The following GLRA2 variants were observed in gnomAD, a reference collection of about 807,000 sequenced individuals.
GLRA2 encodes glycine receptor subunit alpha-2.
A neutral mutation model predicts 31.6 loss-of-function variants in GLRA2; 11 were observed. That is an observed-to-expected ratio of 0.35 (90% CI 0.22 to 0.58). The LOEUF is 0.58. GLRA2 is among the 20% of genes least tolerant of loss of function. The probability of loss-of-function intolerance (pLI) is 0.84; values close to 1 mark genes in which losing one functional copy is unlikely to be tolerated. For synonymous variants in GLRA2, 132 were observed against 134.0 expected (o/e 0.99, Z 0.10); for missense variants, 212 against 351.8 (o/e 0.60, Z 3.18).
intron 4 of GLRA2, among the ~76,000 whole-genome samples, chrX:14,595,741 A>C (rs1014268046): frequency 1.8e-5 from 2 of 111,622 alleles, no homozygotes; most frequent in African/African-American, 6.5e-5. Context: ...CTGGGCCCCA[A>C]GGGAGTAATT....
intron 7 of GLRA2, among the ~76,000 whole-genome samples, chrX:14,652,844 A>G (rs919781320): frequency 8.9e-6 from 1 of 112,006 alleles, no homozygotes; most frequent in Non-Finnish European, 1.9e-5. Flanking sequence ...AGAGTTGCAC[A>G]TCTCTCACTT....
At chrX:14,574,245 A>G in intron 2 of GLRA2, 88 bp from the exon 3 acceptor site, 2 of 602,790 alleles carry the variant, frequency 3.3e-6, no homozygotes, top group Admixed American at 4.8e-5. Flanking sequence ...TTTTAATTGT[A>G]TTCAAATCTC....
At chrX:14,562,401 T>C (rs1330716759) in intron 2 of GLRA2, among the ~76,000 whole-genome samples, 1 of 112,309 alleles carries the variant, frequency 8.9e-6, no homozygotes, top group Non-Finnish European at 1.9e-5. Flanking sequence ...ACTCCTAGTA[T>C]GGGGCCCTGG....
intron 8 of GLRA2, among the ~76,000 whole-genome samples, chrX:14,697,672 TA>T (rs1215048532): frequency 1.8e-5 from 2 of 110,859 alleles, no homozygotes; most frequent in Admixed American, 9.6e-5. Flanking sequence ...TCACTTGGGA[TA>T]CCAGCCTTGT....
chrX:14,638,232 G>A (rs1001706861), intron 7 of GLRA2, among the ~76,000 whole-genome samples: 1 of 111,282 alleles, frequency 9.0e-6, no homozygotes, highest in Non-Finnish European at 1.9e-5. Flanking sequence ...GGAGGGTGGT[G>A]GTGGGAGGAT....
At chrX:14,522,243 C>T in the GLRA2 span, among the ~76,000 whole-genome samples, 4 of 112,413 alleles carry the variant, frequency 3.6e-5, no homozygotes, top group Non-Finnish European at 7.5e-5. Context: ...ACTCAAGAAA[C>T]CACTTGCTTT....
At chrX:14,729,999 AC>A (rs1408059668) in intron 8 of GLRA2, among the ~76,000 whole-genome samples, 1 of 111,834 alleles carries the variant, frequency 8.9e-6, no homozygotes, top group Non-Finnish European at 1.9e-5. Flanking sequence ...CATTATTCTT[AC>A]CCTTAATTTC....
chrX:14,597,541 C>G (rs1211897325), intron 4 of GLRA2, among the ~76,000 whole-genome samples: 2 of 111,039 alleles, frequency 1.8e-5, no homozygotes, highest in Non-Finnish European at 3.8e-5. Flanking sequence ...ACCCAGGTTT[C>G]TGGGTTGCCG....
chrX:14,613,490 T>C (rs1441793173), intron 7 of GLRA2, among the ~76,000 whole-genome samples: 4 of 110,728 alleles, frequency 3.6e-5, no homozygotes, highest in Non-Finnish European at 7.6e-5. Flanking sequence ...AAAACAACAA[T>C]AAAAAAAATA....
At chrX:14,604,549 T>G in intron 5 of GLRA2, 152 bp downstream of exon 5, 1 of 60,461 alleles carries the variant, frequency 1.7e-5, no homozygotes. Flanking sequence ...CCAAAGTGTG[T>G]GTGTGTGTGT....
At chrX:14,505,684 A>G in the GLRA2 span, among the ~76,000 whole-genome samples, 1 of 111,857 alleles carries the variant, frequency 8.9e-6, no homozygotes, top group African/African-American at 3.2e-5. Flanking sequence ...TAGGGCAATG[A>G]CTTTAAATCT....
At chrX:14,648,246 G>C (rs777098607) in intron 7 of GLRA2, among the ~76,000 whole-genome samples, 5 of 112,043 alleles carry the variant, frequency 4.5e-5, no homozygotes, top group Non-Finnish European at 9.4e-5. Context: ...TTACAGTCTA[G>C]TGGGGAAAAT....
chrX:14,556,782 T>C (rs2089647968), intron 2 of GLRA2, among the ~76,000 whole-genome samples: 1 of 112,169 alleles, frequency 8.9e-6, no homozygotes. Context: ...ACACGTTTTG[T>C]TTCATCTGAC....
chrX:14,533,385 T>C (rs1326218989), intron 2 of GLRA2, among the ~76,000 whole-genome samples: 1 of 110,818 alleles, frequency 9.0e-6, no homozygotes, highest in Non-Finnish European at 1.9e-5. Context: ...ATTCATTTCT[T>C]CTTTAAATGT....
At chrX:14,699,013 T>C (rs1365763282) in intron 8 of GLRA2, among the ~76,000 whole-genome samples, 1 of 111,895 alleles carries the variant, frequency 8.9e-6, no homozygotes, top group African/African-American at 3.3e-5. Flanking sequence ...GATTATCTTT[T>C]CTAGGTTTTG....
chrX:14,552,883 T>C (rs2089585338), intron 2 of GLRA2, among the ~76,000 whole-genome samples: 1 of 111,678 alleles, frequency 9.0e-6, no homozygotes, highest in Non-Finnish European at 1.9e-5. Flanking sequence ...AGATCATGGG[T>C]AAAAACCCTA....
chrX:14,632,240 T>C (rs181059288), intron 7 of GLRA2, among the ~76,000 whole-genome samples: 1 of 110,690 alleles, frequency 9.0e-6, no homozygotes, highest in East Asian at 2.9e-4. Context: ...CCAAATTTTT[T>C]AGTTGATTCA....
the GLRA2 span, among the ~76,000 whole-genome samples, chrX:14,463,273 G>C: frequency 9.0e-6 from 1 of 111,458 alleles, no homozygotes; most frequent in African/African-American, 3.3e-5. Flanking sequence ...GGCACCTACT[G>C]GGGGGTGTCT....
chrX:14,692,345 G>A (rs1425462923), intron 8 of GLRA2, among the ~76,000 whole-genome samples: 1 of 112,319 alleles, frequency 8.9e-6, no homozygotes, highest in Non-Finnish European at 1.9e-5. Context: ...CCAGCACACA[G>A]CAGCAAAAGT....
Sources: gnomAD v4.1 joint callset for allele counts (sites outside exome capture counted in the v4.1 genomes callset) on GRCh38, gnomAD v4.1.1 for gene constraint, MANE v1.5 for transcripts, NCBI Gene and HGNC (gene_info 2026-07-23, HGNC 2026-07-21) for gene names.